NBAS: variants seen among roughly 807,000 people sequenced by gnomAD.
NBAS encodes the protein NAG/BC035112 fusion.
Under a neutral mutation model 302.5 loss-of-function variants are expected in NBAS, and 219 were observed. The ratio of observed to expected loss-of-function variants is 0.72; its 90% confidence interval spans 0.65 to 0.81. NBAS has a LOEUF of 0.81. Ranked by LOEUF, NBAS falls within the 30% of genes least tolerant of loss-of-function variation. NBAS has a pLI of 0.00. For synonymous variants in NBAS, 1,118 were observed against 1,021.6 expected, an observed-to-expected ratio of 1.09 and a Z score of -1.80; for missense variants, 2,932 against 2,841.6, an observed-to-expected ratio of 1.03 and a Z score of -0.72.
intron 38 of NBAS, among the ~76,000 whole-genome samples, chr2:15,309,697 AAT>A (rs1239044591): frequency 2.0e-5 from 3 of 152,208 alleles, no homozygotes; most frequent in Non-Finnish European, 4.4e-5. Flanking sequence ...CAATGATGAT[AAT>A]ATGATTTTGT....
At chr2:15,311,700 C>G (rs1558524360) in intron 38 of NBAS, among the ~76,000 whole-genome samples, 1 of 152,212 alleles carries the variant, frequency 6.6e-6, no homozygotes, top group African/African-American at 2.4e-5. Context: ...AACGAGCACT[C>G]AGCAATCATT....
the NBAS span, among the ~76,000 whole-genome samples, chr2:14,804,624 T>C: frequency 6.6e-6 from 1 of 152,230 alleles, no homozygotes; most frequent in African/African-American, 2.4e-5. Flanking sequence ...TCAGTTTTCA[T>C]GCTGACTTTA....
At chr2:15,270,695 T>A (rs1369144089) in intron 44 of NBAS, among the ~76,000 whole-genome samples, 1 of 152,148 alleles carries the variant, frequency 6.6e-6, no homozygotes, top group East Asian at 1.9e-4. Flanking sequence ...CTCAAAAATT[T>A]CCAATTTCAT....
At chr2:15,199,896 ATTTTTTT>A (rs35760010) in intron 48 of NBAS, among the ~76,000 whole-genome samples, 3 of 121,450 alleles carry the variant, frequency 2.5e-5, no homozygotes, top group African/African-American at 6.4e-5. Context: ...AGAAAGCTGG[ATTTTTTT>A]TTTTTTTTTT....
At chr2:15,229,568 G>A (rs1667294000) in intron 47 of NBAS, among the ~76,000 whole-genome samples, 1 of 151,494 alleles carries the variant, frequency 6.6e-6, no homozygotes, top group Non-Finnish European at 1.5e-5. Flanking sequence ...GATCACCTGA[G>A]GTCAGGAGTT....
intron 17 of NBAS, 84 bp downstream of exon 17, chr2:15,468,298 A>G: frequency 1.3e-6 from 2 of 1,508,954 alleles, no homozygotes; most frequent in East Asian, 4.5e-5. Context: ...TTAAATAAAG[A>G]AAAGTTTACC....
the NBAS span, among the ~76,000 whole-genome samples, chr2:15,062,035 G>A: frequency 1.3e-5 from 2 of 152,130 alleles, no homozygotes; most frequent in Non-Finnish European, 2.9e-5. Context: ...TTCTTAAAAG[G>A]AGAGCAGCCA....
At chr2:15,148,432 G>A in the NBAS span, among the ~76,000 whole-genome samples, 5 of 152,140 alleles carry the variant, frequency 3.3e-5, no homozygotes, top group South Asian at 2.1e-4. Flanking sequence ...AAAAGCTTCC[G>A]GGAGGAGGCA....
the NBAS span, among the ~76,000 whole-genome samples, chr2:15,156,901 C>G: frequency 1.3e-5 from 2 of 152,190 alleles, no homozygotes; most frequent in Non-Finnish European, 2.9e-5. Context: ...AAGGTTCTTA[C>G]TCAGTGTTTC....
the NBAS span, among the ~76,000 whole-genome samples, chr2:14,874,176 G>C: frequency 3.3e-5 from 5 of 152,006 alleles, no homozygotes; most frequent in South Asian, 1.0e-3. Flanking sequence ...GTGCTTAAAG[G>C]GACCAATGCC....
At chr2:15,158,084 C>T in the NBAS span, among the ~76,000 whole-genome samples, 10 of 152,150 alleles carry the variant, frequency 6.6e-5, no homozygotes, top group Non-Finnish European at 1.2e-4. Context: ...AAGGCCATCC[C>T]GTGCACTGAT....
At chr2:15,348,867 C>T (rs1243774936) in intron 35 of NBAS, among the ~76,000 whole-genome samples, 1 of 152,096 alleles carries the variant, frequency 6.6e-6, no homozygotes, top group African/African-American at 2.4e-5. Context: ...CCGGACAATA[C>T]CACGTCACAC....
chr2:15,514,179 G>C (rs1019994715), intron 9 of NBAS, among the ~76,000 whole-genome samples: 1 of 152,144 alleles, frequency 6.6e-6, no homozygotes, highest in African/African-American at 2.4e-5. Flanking sequence ...TCCAGGGAAG[G>C]GTGGATAGGG....
intron 44 of NBAS, among the ~76,000 whole-genome samples, chr2:15,251,067 A>G (rs1025276307): frequency 6.6e-6 from 1 of 152,242 alleles, no homozygotes; most frequent in African/African-American, 2.4e-5. Context: ...CCAAATGCCC[A>G]TCAATGATAA....
the NBAS span, among the ~76,000 whole-genome samples, chr2:14,869,607 T>C: frequency 1.9e-4 from 29 of 152,278 alleles, no homozygotes; most frequent in African/African-American, 6.7e-4. Flanking sequence ...CCTCCACTAA[T>C]CATTTTACAC....
the NBAS span, among the ~76,000 whole-genome samples, chr2:14,939,120 G>T: frequency 6.6e-6 from 1 of 152,258 alleles, no homozygotes; most frequent in Non-Finnish European, 1.5e-5. Context: ...AAGGGGTCCT[G>T]GGAGGGTTAG....
At chr2:15,133,207 T>C in the NBAS span, among the ~76,000 whole-genome samples, 2 of 152,152 alleles carry the variant, frequency 1.3e-5, no homozygotes, top group Non-Finnish European at 2.9e-5. Flanking sequence ...CTGGGGAAGT[T>C]CACAGCCTTG....
chr2:15,445,946 A>T (rs1470226086), intron 21 of NBAS, among the ~76,000 whole-genome samples: 1 of 152,006 alleles, frequency 6.6e-6, no homozygotes, highest in East Asian at 1.9e-4. Context: ...AATTATAGAC[A>T]AGTCAGAAGA....
At chr2:15,015,774 G>C in the NBAS span, among the ~76,000 whole-genome samples, 1 of 152,034 alleles carries the variant, frequency 6.6e-6, no homozygotes, top group Non-Finnish European at 1.5e-5. Flanking sequence ...ACATAGTACT[G>C]GAAGTTCTAG....
Sources: gnomAD v4.1 joint callset for allele counts (sites outside exome capture counted in the v4.1 genomes callset) on GRCh38, gnomAD v4.1.1 for gene constraint, MANE v1.5 for transcripts, NCBI Gene and HGNC (gene_info 2026-07-23, HGNC 2026-07-21) for gene names.